The following NGF variants were observed in gnomAD, a reference collection of about 807,000 sequenced individuals.
NGF encodes nerve growth factor.
NGF carries 4 observed loss-of-function variants against 12.8 expected under a neutral mutation model. That is an observed-to-expected ratio of 0.31 (90% CI 0.15 to 0.72). The LOEUF is 0.72. Among genes scored for constraint, NGF ranks in the 30% least tolerant of loss-of-function variants. The pLI, the probability that NGF is intolerant of heterozygous loss-of-function variation, is 0.69. For synonymous variants in NGF, 140 were observed against 130.0 expected (o/e 1.08, Z -0.52); for missense variants, 283 against 330.8 (o/e 0.86, Z 1.12).
chr1:115,337,283 T>G (rs1051276667), intron 1 of NGF, among the ~76,000 whole-genome samples: 6,189 of 125,250 alleles, frequency 0.049, 515 homozygotes, highest in East Asian at 0.11. Flanking sequence ...TTTTTTTTTT[T>G]TTTTTTTTTT....
intron 1 of NGF, among the ~76,000 whole-genome samples, chr1:115,322,672 C>T (rs1198526793): frequency 3.9e-5 from 6 of 152,114 alleles, no homozygotes; most frequent in Non-Finnish European, 8.8e-5. Flanking sequence ...CTTGTGTGCC[C>T]GGAACTATGT....
At chr1:115,297,455 G>A (rs1475390217) in intron 1 of NGF, among the ~76,000 whole-genome samples, 1 of 152,230 alleles carries the variant, frequency 6.6e-6, no homozygotes, top group East Asian at 1.9e-4. Context: ...CAGAACCCAT[G>A]TCCAACCAAC....
intron 1 of NGF, among the ~76,000 whole-genome samples, chr1:115,309,356 T>C (rs1466625205): frequency 3.3e-5 from 5 of 152,216 alleles, no homozygotes; most frequent in Non-Finnish European, 5.9e-5. Flanking sequence ...TAGGAGATTA[T>C]GGGTGATTTT....
intron 1 of NGF, among the ~76,000 whole-genome samples, chr1:115,333,169 G>C (rs1654970234): frequency 6.6e-6 from 1 of 152,168 alleles, no homozygotes; most frequent in African/African-American, 2.4e-5. Flanking sequence ...GAGGGGAGGT[G>C]ACCTATACCA....
intron 1 of NGF, among the ~76,000 whole-genome samples, chr1:115,307,218 T>C (rs1273290572): frequency 6.6e-6 from 1 of 151,980 alleles, no homozygotes; most frequent in East Asian, 1.9e-4. Context: ...AAAACTGAAA[T>C]AGTAGGAAGA....
intron 1 of NGF, among the ~76,000 whole-genome samples, chr1:115,296,017 T>A (rs1475612546): frequency 1.3e-5 from 2 of 152,236 alleles, no homozygotes; most frequent in African/African-American, 2.4e-5. Context: ...ATGATGTATA[T>A]GTGACATGAT....
At chr1:115,312,977 A>G (rs2101041934) in intron 1 of NGF, among the ~76,000 whole-genome samples, 1 of 152,336 alleles carries the variant, frequency 6.6e-6, no homozygotes, top group South Asian at 2.1e-4. Flanking sequence ...GGTAACATTT[A>G]TTTGAATCAA....
chr1:115,297,542 T>G (rs1220549707), intron 1 of NGF, among the ~76,000 whole-genome samples: 1 of 152,180 alleles, frequency 6.6e-6, no homozygotes, highest in Admixed American at 6.5e-5. Flanking sequence ...TTTGATCAAT[T>G]TCAGCCATGA....
rs148793582 is a variant in NGF at position 115,307,385 on chromosome 1, A to C, written c.-136-13635T>G. On this transcript the variant is annotated intron_variant, in intron 1 of 2. Transcript: ENST00000369512. The stretch of plus-strand genomic sequence containing the variant: ...GGGAGATCCAGAGGGCAAAGGAGCA[A>C]TGTCAGCAAGAGAGAGTGAAGCTGA... Among the ~76,000 whole-genome samples the C allele has an allele frequency of 3.3e-3, 496 of 152,296 alleles. 2 individuals are homozygous for C. Among genetic ancestry groups the C allele is most frequent in the African/African-American group, 0.011 (466 of 41,560 alleles).
intron 1 of NGF, among the ~76,000 whole-genome samples, chr1:115,302,488 G>A (rs1049164462): frequency 6.6e-6 from 1 of 152,026 alleles, no homozygotes; most frequent in Admixed American, 6.6e-5. Flanking sequence ...TCATTGTTTA[G>A]TTACAACCCA....
intron 2 of NGF, among the ~76,000 whole-genome samples, chr1:115,290,653 A>G (rs912526048): frequency 2.6e-5 from 4 of 151,864 alleles, no homozygotes; most frequent in African/African-American, 9.7e-5. Context: ...CGGCCTCCCA[A>G]AGTGTTGGGA....
At chr1:115,297,050 T>C (rs6678788) in intron 1 of NGF, among the ~76,000 whole-genome samples, 103,038 of 152,128 alleles carry the variant, frequency 0.68, 35,240 homozygotes, top group Non-Finnish European at 0.73. Flanking sequence ...CTAGAGCTTG[T>C]CCTGTCCTGG....
chr1:115,330,708 A>T (rs1654895344), intron 1 of NGF, among the ~76,000 whole-genome samples: 1 of 133,406 alleles, frequency 7.5e-6, no homozygotes, highest in African/African-American at 2.5e-5. Context: ...GTCAGCCCTG[A>T]TGGGCTGTGG....
intron 1 of NGF, among the ~76,000 whole-genome samples, chr1:115,316,426 C>T (rs561934523): frequency 6.6e-6 from 1 of 152,084 alleles, no homozygotes; most frequent in South Asian, 2.1e-4. Context: ...GTTTTTTTTG[C>T]AGAAATTGGT....
At chr1:115,298,664 C>T (rs901403405) in intron 1 of NGF, among the ~76,000 whole-genome samples, 8 of 152,086 alleles carry the variant, frequency 5.3e-5, no homozygotes, top group African/African-American at 1.7e-4. Context: ...GGACTGGTCC[C>T]AGAGGTCTTT....
intron 1 of NGF, among the ~76,000 whole-genome samples, chr1:115,308,109 G>T (rs1654247131): frequency 6.6e-6 from 1 of 152,232 alleles, no homozygotes; most frequent in African/African-American, 2.4e-5. Flanking sequence ...GATAGATGAT[G>T]ATGTACTTGG....
rs139618196 is a variant in NGF at position 115,325,185 on chromosome 1, C to T, written c.-137+13019G>A. 8.9e-4 allele frequency among the ~76,000 whole-genome samples: 136 copies of T among 152,086 alleles called. 1 individual carries two copies. The East Asian group carries it at 0.015, about 17-fold the overall frequency. ...TCCCAAATAGAGCAAACAGTGAGTG[C>T]GAAGGCCCCAGGACAGTAACAAGGT... On this transcript the variant is annotated intron_variant, in intron 1 of 2. Coordinates refer to ENST00000369512, the MANE Select transcript of NGF (RefSeq NM_002506.3).
chr1:115,314,224 ACT>A (rs2101042796), intron 1 of NGF, among the ~76,000 whole-genome samples: 1 of 152,058 alleles, frequency 6.6e-6, no homozygotes, highest in South Asian at 2.1e-4. Context: ...TCCAAGACAG[ACT>A]CTGTGACCTT....
chr1:115,286,739 T>A lies in NGF; in HGVS notation c.57A>T (p.Glu19Asp). The A allele has an allele frequency of 6.2e-7, 1 of 1,614,118 alleles. No individual in the cohort carries two copies. Among genetic ancestry groups the A allele is most frequent in the Non-Finnish European group, 8.5e-7 (1 of 1,180,022 alleles). The change falls in exon 3 of 3, where the codon GAA becomes GAT. Residue 19 changes from glutamate to aspartate, a missense_variant. By Grantham distance (45) the Glu-to-Asp change is conservative (BLOSUM62 2). Transcript: ENST00000369512. Reference sequence around the variant, plus strand: ...CAGGGACATTGCTCTCTGAGTGTGGTTCCGCCTGTATGCCGATCAGAAAAG... The same window carrying A: ...CAGGGACATTGCTCTCTGAGTGTGGATCCGCCTGTATGCCGATCAGAAAAG... ...ITAFLIGIQA[E>D]PHSESNVPAG... is the part of the protein sequence containing the mutation.
Sources: gnomAD v4.1 joint callset for allele counts (sites outside exome capture counted in the v4.1 genomes callset) on GRCh38, gnomAD v4.1.1 for gene constraint, MANE v1.5 for transcripts, NCBI Gene and HGNC (gene_info 2026-07-23, HGNC 2026-07-21) for gene names.